SUGCT: variants seen among roughly 807,000 people sequenced by gnomAD.
SUGCT encodes succinyl-CoA:glutarate CoA-transferase.
SUGCT carries 41 observed loss-of-function variants against 55.0 expected under a neutral mutation model. The observed-to-expected ratio is 0.74, with a 90% CI of 0.58 to 0.97. The LOEUF (loss-of-function observed/expected upper bound fraction) is 0.97, where lower values mean the gene tolerates loss of function less well. Ranked by LOEUF, SUGCT falls within the 50% of genes least tolerant of loss-of-function variation. SUGCT has a pLI of 0.00. For synonymous variants in SUGCT, 187 were observed against 200.4 expected (o/e 0.93, Z 0.56); for missense variants, 568 against 547.8 (o/e 1.04, Z -0.37).
At chr7:40,910,588 G>T in the SUGCT span, among the ~76,000 whole-genome samples, 1 of 152,170 alleles carries the variant, frequency 6.6e-6, no homozygotes, top group Admixed American at 6.5e-5. Context: ...TATGTGTCTA[G>T]TACTGATCAA....
At chr7:40,970,962 A>T in the SUGCT span, among the ~76,000 whole-genome samples, 1 of 152,158 alleles carries the variant, frequency 6.6e-6, no homozygotes, top group African/African-American at 2.4e-5. Flanking sequence ...GTTTTTAAAA[A>T]ATCAGGTGGC....
chr7:40,390,852 C>T (rs1189653971), intron 9 of SUGCT, among the ~76,000 whole-genome samples: 1 of 152,152 alleles, frequency 6.6e-6, no homozygotes, highest in Non-Finnish European at 1.5e-5. Context: ...AAGAACAAAG[C>T]TGGAGGCATC....
chr7:40,416,435 C>T (rs1206723031), intron 9 of SUGCT, among the ~76,000 whole-genome samples: 3 of 151,546 alleles, frequency 2.0e-5, no homozygotes, highest in South Asian at 2.1e-4. Flanking sequence ...TATATAAATA[C>T]TATATTTATT....
intron 9 of SUGCT, among the ~76,000 whole-genome samples, chr7:40,344,824 AT>A (rs1200305526): frequency 6.6e-6 from 1 of 152,150 alleles, no homozygotes; most frequent in African/African-American, 2.4e-5. Flanking sequence ...ACATACTAGC[AT>A]TTGATTGATT....
the SUGCT span, among the ~76,000 whole-genome samples, chr7:41,028,951 T>C: frequency 7.3e-3 from 1,110 of 152,298 alleles, 7 homozygotes; most frequent in Middle Eastern, 0.027. Context: ...TGGAATTCTC[T>C]CTAATATACC....
the SUGCT span, among the ~76,000 whole-genome samples, chr7:40,878,795 CTTT>C: frequency 5.0e-5 from 7 of 139,330 alleles, no homozygotes; most frequent in Non-Finnish European, 9.4e-5. Context: ...CTTTCTCAAA[CTTT>C]TTTTTTTTTT....
chr7:40,903,830 C>T, the SUGCT span, among the ~76,000 whole-genome samples: 19 of 152,172 alleles, frequency 1.2e-4, no homozygotes, highest in African/African-American at 4.6e-4. Context: ...CCCTGAGAGG[C>T]TTGAAGGGTG....
At chr7:40,259,328 C>T (rs1000290572) in intron 7 of SUGCT, among the ~76,000 whole-genome samples, 4 of 152,142 alleles carry the variant, frequency 2.6e-5, no homozygotes, top group African/African-American at 9.7e-5. Context: ...GGAGTTTTTT[C>T]AATCAAATGC....
chr7:40,267,074 G>T (rs547034538), intron 7 of SUGCT, among the ~76,000 whole-genome samples: 136 of 151,340 alleles, frequency 9.0e-4, no homozygotes, highest in African/African-American at 3.2e-3. Context: ...AAATAACACT[G>T]GGAATGGTGA....
At chr7:40,915,034 A>C in the SUGCT span, among the ~76,000 whole-genome samples, 3 of 152,184 alleles carry the variant, frequency 2.0e-5, no homozygotes, top group South Asian at 6.2e-4. Context: ...CTAATCAGGA[A>C]GATAGGGATC....
chr7:40,788,772 G>GCCCTCCTGGC (rs1790164144), intron 13 of SUGCT, among the ~76,000 whole-genome samples: 1 of 152,164 alleles, frequency 6.6e-6, no homozygotes, highest in African/African-American at 2.4e-5. Flanking sequence ...GAGGGAACAT[G>GCCCTCCTGGC]AATCTACTGC....
intron 1 of SUGCT, among the ~76,000 whole-genome samples, chr7:40,148,666 A>C (rs1277582636): frequency 3.9e-5 from 6 of 152,134 alleles, no homozygotes; most frequent in Non-Finnish European, 5.9e-5. Flanking sequence ...AAAAACAAAC[A>C]AAAAAACCAG....
rs540965002 is a variant in SUGCT at position 40,614,278 on chromosome 7, G to A, written c.1089+117892G>A. Reference sequence around the variant, plus strand: ...ACTTCCCCAGTCTGTTCTGTATAAAGCAAGTCAGAGGATGTTAATACATGC... The same window carrying A: ...ACTTCCCCAGTCTGTTCTGTATAAAACAAGTCAGAGGATGTTAATACATGC... On this transcript the variant is annotated intron_variant, in intron 12 of 13. Transcript: ENST00000335693. 5.3e-5 allele frequency among the ~76,000 whole-genome samples: 8 copies of A among 152,238 alleles called. No homozygotes were observed. The South Asian group carries it at 1.7e-3, about 32-fold the overall frequency.
At chr7:40,564,109 C>T (rs1795995333) in intron 12 of SUGCT, among the ~76,000 whole-genome samples, 1 of 152,162 alleles carries the variant, frequency 6.6e-6, no homozygotes, top group Non-Finnish European at 1.5e-5. Flanking sequence ...CGCCATGGCT[C>T]ACGCCTGTAA....
intron 12 of SUGCT, among the ~76,000 whole-genome samples, chr7:40,534,677 C>T (rs1394717413): frequency 6.6e-6 from 1 of 152,174 alleles, no homozygotes; most frequent in Non-Finnish European, 1.5e-5. Flanking sequence ...CCTAGGCCTC[C>T]CAAAGTGCTG....
At chr7:40,372,990 C>G (rs142960560) in intron 9 of SUGCT, among the ~76,000 whole-genome samples, 1 of 151,882 alleles carries the variant, frequency 6.6e-6, no homozygotes, top group Non-Finnish European at 1.5e-5. Context: ...AGAGCCAACT[C>G]TAAGAATTAA....
At chr7:40,642,488 G>A (rs1800314856) in intron 12 of SUGCT, among the ~76,000 whole-genome samples, 1 of 152,054 alleles carries the variant, frequency 6.6e-6, no homozygotes, top group Non-Finnish European at 1.5e-5. Flanking sequence ...CTGGAGGAAG[G>A]GCATGATATA....
At chr7:40,167,929 C>G (rs1226122964) in intron 1 of SUGCT, among the ~76,000 whole-genome samples, 1 of 152,164 alleles carries the variant, frequency 6.6e-6, no homozygotes, top group Non-Finnish European at 1.5e-5. Flanking sequence ...AAACAGAGCT[C>G]TCATACAATG....
chr7:40,684,172 C>A (rs895412756), intron 12 of SUGCT: 2 of 1,552,498 alleles, frequency 1.3e-6, no homozygotes, highest in Non-Finnish European at 1.7e-6. Context: ...TCACTTCCTG[C>A]AGCCAGGAAA....
Sources: gnomAD v4.1 joint callset for allele counts (sites outside exome capture counted in the v4.1 genomes callset) on GRCh38, gnomAD v4.1.1 for gene constraint, MANE v1.5 for transcripts, NCBI Gene and HGNC (gene_info 2026-07-23, HGNC 2026-07-21) for gene names.